Variants in MRTFB observed in about 807,000 individuals in gnomAD.
MRTFB encodes the protein myocardin related transcription factor B, also known as myocardin-related transcription factor B.
MRTFB carries 29 observed loss-of-function variants against 104.2 expected under a neutral mutation model. That is an observed-to-expected ratio of 0.28 (90% CI 0.21 to 0.38). MRTFB has a LOEUF of 0.38. MRTFB is among the 10% of genes least tolerant of loss of function. The probability of loss-of-function intolerance (pLI) is 1.00; values close to 1 mark genes in which losing one functional copy is unlikely to be tolerated. For missense variants in MRTFB, 1,270 were observed against 1,341.6 expected, an observed-to-expected ratio of 0.95 and a Z score of 0.83; for synonymous variants, 535 against 519.5, an observed-to-expected ratio of 1.03 and a Z score of -0.41.
chr16:14,110,195 G>A (rs2036199353), intron 2 of MRTFB, among the ~76,000 whole-genome samples: 1 of 152,220 alleles, frequency 6.6e-6, no homozygotes, highest in African/African-American at 2.4e-5. Context: ...AAAGTCCTGG[G>A]GTAAAGCCAG....
chr16:14,032,944 C>T, the MRTFB span, among the ~76,000 whole-genome samples: 5 of 151,878 alleles, frequency 3.3e-5, no homozygotes, highest in Non-Finnish European at 5.9e-5. Context: ...ACCTCAGCCT[C>T]CCAAGTAGTT....
At chr16:14,248,318 C>T (rs1421691067) in intron 12 of MRTFB, 1 of 152,300 alleles carries the variant, frequency 6.6e-6, no homozygotes, top group Non-Finnish European at 1.5e-5. Context: ...ATCTCGTACC[C>T]CTGTGGTTAG....
At chr16:14,033,905 G>A in the MRTFB span, among the ~76,000 whole-genome samples, 1 of 151,854 alleles carries the variant, frequency 6.6e-6, no homozygotes, top group Non-Finnish European at 1.5e-5. Flanking sequence ...TGTGGTGAGT[G>A]TGGTTCAAAA....
rs1032606316 is a variant in MRTFB at position 14,185,736 on chromosome 16, A to G, written c.155-24507A>G. ...ACAGTATTCACAGTCTACTGCTCTT[A>G]TAACCTCTGATGGGTTTTATGGGAA... On this transcript the variant is annotated intron_variant, in intron 3 of 16. Coordinates refer to ENST00000571589, the MANE Select transcript of MRTFB (RefSeq NM_001308142.2). Among the ~76,000 whole-genome samples, 3 of 152,096 alleles carry G rather than the reference A, an allele frequency of 2.0e-5. No individual in the cohort carries two copies. In the East Asian group the frequency reaches 5.8e-4, roughly 29 times the overall value.
the MRTFB span, among the ~76,000 whole-genome samples, chr16:14,008,242 C>T: frequency 1.3e-5 from 2 of 152,126 alleles, no homozygotes; most frequent in African/African-American, 4.8e-5. Context: ...TCTTTTGTTG[C>T]TTATGCTTTG....
chr16:14,053,747 ATAGT>A, the MRTFB span, among the ~76,000 whole-genome samples: 5 of 151,108 alleles, frequency 3.3e-5, no homozygotes, highest in South Asian at 4.2e-4. Context: ...AAAAAAAAAA[ATAGT>A]TAGGTGTGGT....
the MRTFB span, among the ~76,000 whole-genome samples, chr16:14,005,858 T>C: frequency 6.6e-6 from 1 of 152,180 alleles, no homozygotes; most frequent in Non-Finnish European, 1.5e-5. Context: ...ACAAAGAATT[T>C]CAAGCAAACA....
chr16:14,063,254 C>T, the MRTFB span, among the ~76,000 whole-genome samples: 1 of 152,174 alleles, frequency 6.6e-6, no homozygotes, highest in African/African-American at 2.4e-5. Flanking sequence ...ATTTCTTTCT[C>T]TCCACTGCCT....
At chr16:14,049,525 A>G in the MRTFB span, among the ~76,000 whole-genome samples, 1 of 152,242 alleles carries the variant, frequency 6.6e-6, no homozygotes, top group East Asian at 1.9e-4. Flanking sequence ...GTGAAGAAAA[A>G]TGACAAATAA....
Position 14,262,514 on chromosome 16 carries a change from G to A in MRTFB, c.*1070G>A, listed in dbSNP as rs2043813328. On this transcript the variant is annotated 3_prime_UTR_variant, in exon 17 of 17. Transcript: ENST00000571589. The stretch of plus-strand genomic sequence containing the variant: ...ACATTCCCATGATGAGTACAGGTCA[G>A]ATTGTGCCACAAGGTGGGCCTCCAC... The A allele has an allele frequency of 6.6e-6, 1 of 152,192 alleles. No homozygotes were observed. Among genetic ancestry groups the A allele is most frequent in the African/African-American group, 2.4e-5 (1 of 41,444 alleles). 9.4% of individuals were successfully genotyped at this position (152,192 alleles called of 1,614,324 possible).
intron 3 of MRTFB, among the ~76,000 whole-genome samples, chr16:14,167,679 T>G (rs1258947915): frequency 6.6e-6 from 1 of 152,080 alleles, no homozygotes; most frequent in Non-Finnish European, 1.5e-5. Flanking sequence ...GTTTCTTTGT[T>G]TTTTGTTTTG....
chr16:14,109,247 T>G (rs1244307623), intron 2 of MRTFB, among the ~76,000 whole-genome samples: 1 of 152,208 alleles, frequency 6.6e-6, no homozygotes, highest in Non-Finnish European at 1.5e-5. Flanking sequence ...TTCCTCACTC[T>G]AAGTTCAAGG....
intron 2 of MRTFB, among the ~76,000 whole-genome samples, chr16:14,091,954 C>T (rs986040428): frequency 4.7e-5 from 7 of 148,546 alleles, no homozygotes; most frequent in African/African-American, 1.7e-4. Context: ...GAGATCATGC[C>T]ACTGCCCTCC....
At chr16:14,250,911 T>G (rs2043227287) in intron 13 of MRTFB, among the ~76,000 whole-genome samples, 1 of 152,128 alleles carries the variant, frequency 6.6e-6, no homozygotes, top group Non-Finnish European at 1.5e-5. Flanking sequence ...CCAAGAATTA[T>G]TTTCCCTCAG....
At chr16:14,152,511 G>A (rs1226993605) in intron 3 of MRTFB, 1 of 151,958 alleles carries the variant, frequency 6.6e-6, no homozygotes, top group Non-Finnish European at 1.5e-5. Flanking sequence ...AATTAATCTG[G>A]ATCCTCTTAA....
the MRTFB span, among the ~76,000 whole-genome samples, chr16:14,059,353 G>A: frequency 4.6e-5 from 7 of 152,048 alleles, no homozygotes; most frequent in African/African-American, 9.7e-5. Context: ...TTGCTAATCC[G>A]TTAATCAACC....
intron 2 of MRTFB, among the ~76,000 whole-genome samples, chr16:14,087,422 A>G (rs2034785045): frequency 6.6e-6 from 1 of 152,080 alleles, no homozygotes; most frequent in South Asian, 2.1e-4. Context: ...TGAGTTGAGG[A>G]GAGGGAGTCT....
chr16:14,025,147 G>T, the MRTFB span, among the ~76,000 whole-genome samples: 1 of 152,100 alleles, frequency 6.6e-6, no homozygotes, highest in Non-Finnish European at 1.5e-5. Flanking sequence ...ATAGACATGG[G>T]GCAGTAAACA....
chr16:14,097,426 A>G (rs960143793), intron 2 of MRTFB, among the ~76,000 whole-genome samples: 1 of 152,220 alleles, frequency 6.6e-6, no homozygotes, highest in African/African-American at 2.4e-5. Flanking sequence ...AGTTGTGTTT[A>G]TATAGAGTAA....
Sources: gnomAD v4.1 joint callset for allele counts (sites outside exome capture counted in the v4.1 genomes callset) on GRCh38, gnomAD v4.1.1 for gene constraint, MANE v1.5 for transcripts, NCBI Gene and HGNC (gene_info 2026-07-23, HGNC 2026-07-21) for gene names.